Variants in NCKAP5 observed in about 807,000 individuals in gnomAD.
NCKAP5 encodes the protein nck-associated protein 5.
A neutral mutation model predicts 167.0 loss-of-function variants in NCKAP5; 92 were observed. The ratio of observed to expected loss-of-function variants is 0.55; its 90% CI spans 0.47 to 0.66. NCKAP5 has a LOEUF of 0.66. NCKAP5 is among the 30% of genes least tolerant of loss of function. The pLI is 0.00. For missense variants in NCKAP5, 2,378 were observed against 2,315.0 expected (o/e 1.03, Z -0.56); for synonymous variants, 891 against 877.4 (o/e 1.02, Z -0.27).
intron 19 of NCKAP5, among the ~76,000 whole-genome samples, chr2:132,682,307 C>A (rs1324340640): frequency 6.6e-6 from 1 of 152,084 alleles, no homozygotes; most frequent in Non-Finnish European, 1.5e-5. Flanking sequence ...CAGATTCCAT[C>A]CCTTGCTCTA....
intron 16 of NCKAP5, among the ~76,000 whole-genome samples, chr2:132,770,500 G>A (rs1681942815): frequency 6.7e-6 from 1 of 149,978 alleles, no homozygotes; most frequent in African/African-American, 2.4e-5. Context: ...GTAATGGATT[G>A]TCAGGCTTTT....
intron 6 of NCKAP5, among the ~76,000 whole-genome samples, chr2:133,084,346 G>C (rs1573979450): frequency 1.3e-5 from 2 of 152,136 alleles, no homozygotes; most frequent in African/African-American, 4.8e-5. Flanking sequence ...ACCATGTGCA[G>C]AGCAAATATA....
chr2:133,334,696 AC>A, intron 3 of NCKAP5, among the ~76,000 whole-genome samples: 1 of 152,128 alleles, frequency 6.6e-6, no homozygotes, highest in Non-Finnish European at 1.5e-5. Context: ...AGTGATAACT[AC>A]CCCCTTGAAG....
intron 11 of NCKAP5, among the ~76,000 whole-genome samples, chr2:132,817,857 T>A (rs769749665): frequency 8.5e-5 from 13 of 152,114 alleles, no homozygotes; most frequent in Non-Finnish European, 1.3e-4. Flanking sequence ...CAACTCAGAG[T>A]GTATGCTTCA....
intron 2 of NCKAP5, among the ~76,000 whole-genome samples, chr2:133,520,640 C>T (rs1684396322): frequency 6.6e-6 from 1 of 152,118 alleles, no homozygotes; most frequent in Non-Finnish European, 1.5e-5. Flanking sequence ...CTTTATGCTC[C>T]TTCACAGGCA....
At chr2:133,149,061 T>C (rs1049341223) in intron 5 of NCKAP5, among the ~76,000 whole-genome samples, 8 of 152,162 alleles carry the variant, frequency 5.3e-5, no homozygotes, top group Admixed American at 3.9e-4. Flanking sequence ...CCTTGCCTTA[T>C]TATTTGGGCT....
intron 19 of NCKAP5, among the ~76,000 whole-genome samples, chr2:132,713,256 T>C (rs1019879686): frequency 3.3e-5 from 5 of 152,132 alleles, no homozygotes; most frequent in Non-Finnish European, 4.4e-5. Flanking sequence ...TTGAAAATGA[T>C]ATCTGAGAAA....
chr2:133,344,566 G>A (rs533022651), intron 3 of NCKAP5, among the ~76,000 whole-genome samples: 1 of 152,158 alleles, frequency 6.6e-6, no homozygotes, highest in Admixed American at 6.5e-5. Context: ...AGTCAGGAGT[G>A]GTTTGTATTC....
chr2:132,960,755 G>A (rs1247811025), intron 8 of NCKAP5, among the ~76,000 whole-genome samples: 3 of 152,158 alleles, frequency 2.0e-5, no homozygotes, highest in Non-Finnish European at 4.4e-5. Flanking sequence ...TACTGTCACA[G>A]TAATCAAGAA....
rs547425308 is a variant in NCKAP5, at chr2:132,848,266, A to C, written c.807+12226T>G. ...AGCGAGTTATTTTTTTCCTTTTAGA[A>C]GTGGACATAACATTGTAATGAGAAG... On this transcript the variant is annotated intron_variant, in intron 11 of 19. Transcript: ENST00000409261. 9.0e-4 allele frequency among the ~76,000 whole-genome samples: 137 copies of C among 152,336 alleles called. 1 individual carries two copies. The highest frequency in any genetic ancestry group is 3.2e-3 in the African/African-American group (132 of 41,572).
At chr2:133,400,283 C>T (rs547760008) in intron 3 of NCKAP5, among the ~76,000 whole-genome samples, 15 of 152,110 alleles carry the variant, frequency 9.9e-5, no homozygotes, top group African/African-American at 2.7e-4. Flanking sequence ...GAATGGTACC[C>T]GCTGCCCCCC....
intron 3 of NCKAP5, among the ~76,000 whole-genome samples, chr2:133,337,232 T>C (rs987670741): frequency 6.6e-6 from 1 of 152,236 alleles, no homozygotes; most frequent in African/African-American, 2.4e-5. Context: ...CTGCTGCTAT[T>C]GTGTAGCTGA....
intron 6 of NCKAP5, among the ~76,000 whole-genome samples, chr2:133,011,844 T>A (rs369697383): frequency 3.2e-4 from 48 of 152,336 alleles, no homozygotes; most frequent in South Asian, 6.2e-4. Flanking sequence ...ACCATACTCT[T>A]CAGGGGAATT....
chr2:133,216,637 GT>G (rs1225833737), intron 4 of NCKAP5, among the ~76,000 whole-genome samples: 1 of 152,020 alleles, frequency 6.6e-6, no homozygotes, highest in African/African-American at 2.4e-5. Flanking sequence ...TTACTATTTA[GT>G]GAAAAAAGTA....
At chr2:133,012,737 C>G (rs1489384013) in intron 6 of NCKAP5, among the ~76,000 whole-genome samples, 1 of 152,156 alleles carries the variant, frequency 6.6e-6, no homozygotes, top group Non-Finnish European at 1.5e-5. Flanking sequence ...CAGATGGCCA[C>G]ACCCCTGTTT....
At chr2:133,026,454 TAAG>T (rs2078703593) in intron 6 of NCKAP5, among the ~76,000 whole-genome samples, 1 of 151,906 alleles carries the variant, frequency 6.6e-6, no homozygotes, top group Non-Finnish European at 1.5e-5. Context: ...GCCTTAAGAA[TAAG>T]AAGAAGCATT....
chr2:133,605,882 G>T, the NCKAP5 span, among the ~76,000 whole-genome samples: 2 of 152,166 alleles, frequency 1.3e-5, no homozygotes, highest in South Asian at 2.1e-4. Context: ...AGAGGAAAAG[G>T]GGGGCAGGAG....
At chr2:132,987,453 C>T (rs2077321243) in intron 7 of NCKAP5, among the ~76,000 whole-genome samples, 2 of 152,106 alleles carry the variant, frequency 1.3e-5, no homozygotes, top group South Asian at 4.1e-4. Flanking sequence ...GGGTCTCTTT[C>T]CCCATGCTTA....
At chr2:133,086,502 C>T in intron 6 of NCKAP5, among the ~76,000 whole-genome samples, 1 of 151,952 alleles carries the variant, frequency 6.6e-6, no homozygotes, top group East Asian at 1.9e-4. Flanking sequence ...ATTAACCGGG[C>T]ATGGTGGTGT....
Sources: allele counts gnomAD v4.1 joint callset (sites outside exome capture counted in the v4.1 genomes callset), GRCh38; gene constraint gnomAD v4.1.1; transcripts MANE v1.5; gene names NCBI Gene and HGNC (gene_info 2026-07-23, HGNC 2026-07-21).